Variants in PWP1 observed in about 807,000 individuals in gnomAD.
PWP1 encodes periodic tryptophan protein 1 homolog.
PWP1 carries 47 observed loss-of-function variants against 69.9 expected under a neutral mutation model. The observed-to-expected ratio is 0.67, with a 90% CI of 0.53 to 0.86. The LOEUF (loss-of-function observed/expected upper bound fraction) is 0.86, where lower values mean the gene tolerates loss of function less well. PWP1 is among the 40% of genes least tolerant of loss of function. The pLI, the probability that PWP1 is intolerant of heterozygous loss-of-function variation, is 0.00. For synonymous variants in PWP1, 222 were observed against 208.2 expected (o/e 1.07, Z -0.57); for missense variants, 551 against 608.8 (o/e 0.91, Z 1.00).
chr12:107,689,067 T>G (rs1027949544), intron 3 of PWP1, among the ~76,000 whole-genome samples: 3 of 152,206 alleles, frequency 2.0e-5, no homozygotes, highest in Admixed American at 6.5e-5. Flanking sequence ...AACCCACTTG[T>G]GAGTTTTTGT....
intron 7 of PWP1, 131 bp from the exon 8 acceptor site, chr12:107,699,242 G>A (rs987784453): frequency 2.8e-6 from 2 of 702,820 alleles, no homozygotes; most frequent in Non-Finnish European, 4.8e-6. Flanking sequence ...CAGGGCAACA[G>A]ACAAAGACTC....
intron 9 of PWP1, 32 bp downstream of exon 9, chr12:107,703,063 T>TA: frequency 6.9e-7 from 1 of 1,456,804 alleles, no homozygotes; most frequent in Non-Finnish European, 9.6e-7. Flanking sequence ...CAGCGGTTCT[T>TA]AAAAATCGGA....
chr12:107,700,863 G>T (rs1191485552), intron 8 of PWP1, among the ~76,000 whole-genome samples: 1 of 152,010 alleles, frequency 6.6e-6, no homozygotes, highest in African/African-American at 2.4e-5. Context: ...TAATGGGTAT[G>T]AAGTGGTATA....
In PWP1 at chr12:107,692,809, T is replaced by C. The variant is rs1441280942; in HGVS notation, c.320-5T>C. The C allele has an allele frequency of 6.2e-7, 1 of 1,605,514 alleles. No individual in the cohort carries two copies. The highest frequency in any genetic ancestry group is 8.5e-7 in the Non-Finnish European group (1 of 1,175,880). ...ATTATTGTAGTTTGTCAATTTTTCT[T>C]ACAGATGCTGAGACTCTTGGTGAAT... On this transcript the variant is annotated splice_region_variant and splice_polypyrimidine_tract_variant and intron_variant, in intron 3 of 14. Coordinates refer to ENST00000412830, the MANE Select transcript of PWP1 (RefSeq NM_007062.3).
Position 107,685,821 on chromosome 12 carries a change from A to G in PWP1, c.-79A>G, listed in dbSNP as rs563810427. ...GGCAGCGGCCCTGTGCAGATCCCTGAGCGTGTGGCAGCAGTGCGGTCGTGG... is the reference window on the plus strand; with the variant it reads ...GGCAGCGGCCCTGTGCAGATCCCTGGGCGTGTGGCAGCAGTGCGGTCGTGG... On this transcript the variant is annotated 5_prime_UTR_variant, in exon 1 of 15. Transcript: ENST00000412830. The G allele has an allele frequency of 6.7e-7, 1 of 1,493,086 alleles. No individual in the cohort carries two copies. The highest frequency in any genetic ancestry group is 2.3e-5 in the East Asian group (1 of 43,938). 92.5% of individuals were successfully genotyped at this position (1,493,086 alleles called of 1,614,324 possible). A position where few individuals can be genotyped will look rare whatever the true frequency, so the allele number is the denominator to read the frequency against.
At chr12:107,688,030 C>CAAAAAAA (rs56255249) in intron 1 of PWP1, among the ~76,000 whole-genome samples, 1,054 of 37,648 alleles carry the variant, frequency 0.028, 205 homozygotes, top group Non-Finnish European at 0.035. Context: ...GACTCCGTCT[C>CAAAAAAA]AAAAAAAAAA....
At chr12:107,695,245 G>A (rs941550594) in intron 5 of PWP1, among the ~76,000 whole-genome samples, 5 of 151,384 alleles carry the variant, frequency 3.3e-5, no homozygotes, top group Non-Finnish European at 7.4e-5. Context: ...CAGCCTGGGC[G>A]ACAGAGCAAG....
rs1889616574 is a variant in PWP1 at position 107,697,576 on chromosome 12, GAAGA to G, written c.726_729del (p.Lys243ArgfsTer24). ...CACTCGGAAGTAAACTTTCAAAAAA[GAAGA>G]AAAAGAAAGGAAAGAAGGTAAAGAA... On this transcript the variant is annotated frameshift_variant, in exon 7 of 15. Transcript: ENST00000412830. LOFTEE classifies it high-confidence loss of function. 2.5e-6 allele frequency: 4 copies of G among 1,603,156 alleles called. No homozygotes were observed. The African/African-American group carries it at 5.4e-5, about 22-fold the overall frequency.
chr12:107,686,016 G>A (rs1034537225), intron 1 of PWP1, 45 bp downstream of exon 1: 1 of 1,597,214 alleles, frequency 6.3e-7, no homozygotes, highest in Non-Finnish European at 8.6e-7. Flanking sequence ...CGTCTTTACG[G>A]CACTGGGGGT....
At position 107,686,015 on chromosome 12, in the gene PWP1, G is replaced by A. The variant is rs368520206; in HGVS notation, c.72+44G>A. ...GAGACAAGGGGAGCAGCGTCTTTAC[G>A]GCACTGGGGGTCCGCCCAGCTGGGG... On this transcript the variant is annotated intron_variant, in intron 1 of 14. Transcript: ENST00000412830. The A allele has an allele frequency of 1.4e-5, 23 of 1,597,516 alleles. 1 individual carries two copies. In the African/African-American group the frequency reaches 3.0e-4, roughly 20 times the overall value.
intron 14 of PWP1, among the ~76,000 whole-genome samples, chr12:107,711,426 A>G (rs1889950354): frequency 6.6e-6 from 1 of 152,202 alleles, no homozygotes; most frequent in African/African-American, 2.4e-5. Context: ...ACAAATACAT[A>G]TCTTAAAATT....
intron 3 of PWP1, among the ~76,000 whole-genome samples, 182 bp downstream of exon 3, chr12:107,688,984 T>C (rs1889429999): frequency 6.6e-6 from 1 of 152,146 alleles, no homozygotes; most frequent in African/African-American, 2.4e-5. Context: ...TCTAACCCAC[T>C]AAGATACAAA....
intron 14 of PWP1, 148 bp downstream of exon 14, chr12:107,710,658 G>T (rs1889934177): frequency 1.5e-6 from 2 of 1,303,440 alleles, no homozygotes; most frequent in Admixed American, 5.8e-5. Flanking sequence ...GTATAGCTGG[G>T]ATTACAGGTG....
chr12:107,686,277 A>C, intron 1 of PWP1: 1 of 492,892 alleles, frequency 2.0e-6, no homozygotes, highest in Non-Finnish European at 3.7e-6. Context: ...TTGGTGGGTA[A>C]TACCCCAAAA....
At chr12:107,697,393 A>C in intron 6 of PWP1, 74 bp from the exon 7 acceptor site, 1 of 1,412,880 alleles carries the variant, frequency 7.1e-7, no homozygotes, top group Non-Finnish European at 9.5e-7. Flanking sequence ...GTTAATCTAC[A>C]GTATAATGTA....
rs1889830272 is a variant in PWP1, at chr12:107,706,640, C to CG, written c.1077+1893_1077+1894insG. Among the ~76,000 whole-genome samples, 4 of 152,252 alleles carry CG rather than the reference C, an allele frequency of 2.6e-5. 1 individual carries two copies. The highest frequency in any genetic ancestry group is 2.1e-4 in the South Asian group (1 of 4,824). ...TATGGCTAGCCAGTTTTCCCAGCAC[C>CG]ATTTATTAAATAGGGAATCCTTTCC... On this transcript the variant is annotated intron_variant, in intron 11 of 14. Coordinates refer to ENST00000412830, the MANE Select transcript of PWP1 (RefSeq NM_007062.3).
At position 107,688,755 on chromosome 12, in the gene PWP1, A is replaced by G. The variant is rs369762876; in HGVS notation, c.272A>G (p.Glu91Gly). 8 of 1,614,214 alleles carry G rather than the reference A, an allele frequency of 5.0e-6. No homozygotes were observed. Among genetic ancestry groups the G allele is most frequent in the Non-Finnish European group, 6.8e-6 (8 of 1,180,036 alleles). The change falls in exon 3 of 15, where the codon GAG (glutamate) becomes GGG (glycine). Residue 91 changes from glutamate (E) to glycine (G), a missense_variant. By Grantham distance (98) the Glu-to-Gly change is moderately conservative (BLOSUM62 -2). Transcript: ENST00000412830. Reference sequence around the variant, plus strand: ...GATGACAGGACGCTTGATGATGATGAGCTGGCTGAGTACGACTTAGATAAA... The same window carrying G: ...GATGACAGGACGCTTGATGATGATGGGCTGGCTGAGTACGACTTAGATAAA... ...PEDDRTLDDD[E>G]LAEYDLDKYD...
chr12:107,688,114 A>C (rs1326191118), intron 1 of PWP1, among the ~76,000 whole-genome samples: 2 of 145,860 alleles, frequency 1.4e-5, no homozygotes, highest in African/African-American at 5.0e-5. Context: ...CAGGGAAGAG[A>C]GGGAGAGGTG....
intron 1 of PWP1, among the ~76,000 whole-genome samples, chr12:107,687,681 G>T (rs1234590551): frequency 6.6e-6 from 1 of 152,106 alleles, no homozygotes; most frequent in Non-Finnish European, 1.5e-5. Context: ...TGGGAGGATC[G>T]CATGAGCCCA....
Sources: gnomAD v4.1 joint callset for allele counts (sites outside exome capture counted in the v4.1 genomes callset) on GRCh38, gnomAD v4.1.1 for gene constraint, MANE v1.5 for transcripts, NCBI Gene and HGNC (gene_info 2026-07-23, HGNC 2026-07-21) for gene names.